MACF1: variants seen among roughly 807,000 people sequenced by gnomAD.
The protein encoded by MACF1 is microtubule-actin cross-linking factor 1.
In MACF1, 193 loss-of-function variants were observed where a neutral mutation model predicts 854.8. The ratio of observed to expected loss-of-function variants is 0.23; its 90% CI spans 0.20 to 0.25. The LOEUF (loss-of-function observed/expected upper bound fraction) is 0.25. Ranked by LOEUF, MACF1 falls within the 10% of genes least tolerant of loss-of-function variation. MACF1 has a pLI of 1.00. For synonymous variants in MACF1, 3,185 were observed against 3,226.7 expected, an observed-to-expected ratio of 0.99 and a Z score of 0.44; for missense variants, 7,722 against 8,929.1, an observed-to-expected ratio of 0.86 and a Z score of 5.45.
intron 38 of MACF1, among the ~76,000 whole-genome samples, chr1:39,338,134 A>G (rs1254924716): frequency 6.6e-6 from 1 of 152,194 alleles, no homozygotes; most frequent in Non-Finnish European, 1.5e-5. Flanking sequence ...GTGATTGGTT[A>G]GGAAACTATT....
rs761647036 is a variant in MACF1 at position 39,359,181 on chromosome 1, A to G, written c.12161A>G (p.Glu4054Gly). ...TTGGCTGAGCACCAAGTACCTGTGG[A>G]AAAACTCCAAAAAGTAGCTCGTGAC... ...EELAEHQVPV[E>G]KLQKVARDIM... The change falls in exon 47 of 101, where the codon GAA becomes GGA. Residue 4054 changes from glutamate to glycine, a missense_variant. Transcript: ENST00000564288. The G allele has an allele frequency of 3.1e-6, 5 of 1,614,130 alleles. No individual in the cohort carries two copies. Among genetic ancestry groups the G allele is most frequent in the Non-Finnish European group, 8.5e-7 (1 of 1,180,020 alleles).
chr1:39,360,062 C>A, intron 47 of MACF1, among the ~76,000 whole-genome samples: 1 of 117,016 alleles, frequency 8.5e-6, no homozygotes, highest in Non-Finnish European at 1.7e-5. Context: ...TACACACACA[C>A]ACACACACAT....
At chr1:39,484,507 C>A in intron 99 of MACF1, 94 bp from the exon 100 acceptor site, 1 of 1,090,538 alleles carries the variant, frequency 9.2e-7, no homozygotes, top group Non-Finnish European at 1.3e-6. Context: ...TTCAACTAAG[C>A]AAATATAAGG....
At chr1:39,437,024 C>T (rs1240907859) in intron 70 of MACF1, among the ~76,000 whole-genome samples, 1 of 152,092 alleles carries the variant, frequency 6.6e-6, no homozygotes, top group Non-Finnish European at 1.5e-5. Context: ...TATTAAGTTT[C>T]CCATCCATTT....
intron 53 of MACF1, among the ~76,000 whole-genome samples, 166 bp from the exon 54 acceptor site, chr1:39,379,037 G>A (rs561813960): frequency 6.6e-5 from 10 of 152,246 alleles, no homozygotes; most frequent in South Asian, 4.1e-4. Flanking sequence ...TAATGAGAAT[G>A]CTTTTGTTTT....
rs750893377 is a variant in MACF1, at chr1:39,387,438, C to G, written c.14596C>G (p.Pro4866Ala). 2 of 1,614,170 alleles carry G rather than the reference C, an allele frequency of 1.2e-6. No homozygotes were observed. The highest frequency in any genetic ancestry group is 2.2e-5 in the South Asian group (2 of 91,080). ...GGAATCTCTACTTCTTTCTGTACCT[C>G]CTGGAGAAGAGAAAAGGACTCTACA... is the stretch of plus-strand genomic sequence containing the variant. Reference protein sequence around the residue: ...EGESLLLSVPPGEEKRTLQNQ... With the variant: ...EGESLLLSVPAGEEKRTLQNQ... Residue 4866 changes from proline (P) to alanine (A), a missense_variant, in exon 58 of 101, where the codon CCT becomes GCT. Pro to Ala is a conservative substitution (Grantham distance 27, BLOSUM62 -1). Around this residue, in one of 15 missense-constraint regions of MACF1, gnomAD observed 2,807 missense variants for 3,235.8 expected, o/e 0.87. Transcript: ENST00000564288.
chr1:39,093,401 C>T (rs532569057), intron 2 of MACF1, among the ~76,000 whole-genome samples: 70 of 149,750 alleles, frequency 4.7e-4, no homozygotes, highest in African/African-American at 1.6e-3. Flanking sequence ...TTGCAACCAC[C>T]GCCTCCTGGG....
chr1:39,232,556 G>C (rs1476820568), intron 2 of MACF1, among the ~76,000 whole-genome samples: 1 of 151,774 alleles, frequency 6.6e-6, no homozygotes, highest in South Asian at 2.1e-4. Context: ...GCCATTTTTT[G>C]GTTTTGTTCT....
chr1:39,463,504 AAT>A, intron 93 of MACF1, 106 bp from the exon 94 acceptor site: 1 of 746,068 alleles, frequency 1.3e-6, no homozygotes. Flanking sequence ...AAAAAAAAAA[AAT>A]GTAAATAATG....
intron 2 of MACF1, among the ~76,000 whole-genome samples, chr1:39,191,820 C>A (rs548740265): frequency 2.0e-5 from 3 of 152,310 alleles, no homozygotes; most frequent in African/African-American, 7.2e-5. Context: ...CTCTGAGTCC[C>A]TGCAGGGAGC....
At chr1:39,263,403 T>C (rs1308365033) in intron 6 of MACF1, among the ~76,000 whole-genome samples, 1 of 152,238 alleles carries the variant, frequency 6.6e-6, no homozygotes, top group African/African-American at 2.4e-5. Context: ...GATGTTCTTT[T>C]TAATTTTAAT....
intron 33 of MACF1, among the ~76,000 whole-genome samples, 158 bp downstream of exon 33, chr1:39,323,166 C>T (rs1259214009): frequency 6.6e-6 from 1 of 152,044 alleles, no homozygotes; most frequent in Non-Finnish European, 1.5e-5. Context: ...ATAGGGAAAT[C>T]CCCTCTCTAC....
At position 39,225,217 on chromosome 1, in the gene MACF1, C is replaced by CTTTTTTTTTTTTTTTTT. The variant is rs139578945; in HGVS notation, c.110-5955_110-5954insTTTTTTTTTTTTTTTTT. 5.6e-5 allele frequency among the ~76,000 whole-genome samples: 7 copies of CTTTTTTTTTTTTTTTTT among 125,196 alleles called. 1 individual carries two copies. Among genetic ancestry groups the CTTTTTTTTTTTTTTTTT allele is most frequent in the Admixed American group, 1.7e-4 (2 of 11,430 alleles). 82.1% of individuals were successfully genotyped at this position (125,196 alleles called of 152,430 possible). A position where few individuals can be genotyped will look rare whatever the true frequency, so the allele number is the denominator to read the frequency against. ...AACAAATAGCAAATTTTTCTTTTTT[C>CTTTTTTTTTTTTTTTTT]TTTTTTTTTTGAGACGGAGTCTCGC... is the stretch of plus-strand genomic sequence containing the variant. On this transcript the variant is annotated intron_variant, in intron 1 of 100. Transcript: ENST00000564288.
rs1315968778 is a variant in MACF1 at position 39,460,899 on chromosome 1, C to T, written c.21523+105C>T. 2.3e-6 allele frequency: 3 copies of T among 1,325,398 alleles called. No individual in the cohort carries two copies. The allele number at this position is 1,325,398 out of a possible 1,614,324, so 82.1% of individuals were successfully genotyped here. A position where few individuals can be genotyped will look rare whatever the true frequency, so the allele number is the denominator to read the frequency against. ...CAGTCTTTCTGAAGCTGGCCAGGAG[C>T]TTGGCTCACACCTGTAATTCCAGCA... On this transcript the variant is annotated intron_variant, in intron 92 of 100. Transcript: ENST00000564288. This position sits in a 1 kb window ranked among gnomAD's most constrained non-coding sequence, Gnocchi z 4.1.
chr1:39,313,900 G>A (rs1646353749), intron 26 of MACF1, among the ~76,000 whole-genome samples: 1 of 152,064 alleles, frequency 6.6e-6, no homozygotes, highest in African/African-American at 2.4e-5. Flanking sequence ...ACAGGCATGG[G>A]TCATGATGCC....
At position 39,331,561 on chromosome 1, in the gene MACF1, C is replaced by G; in HGVS notation, c.4973C>G (p.Thr1658Ser). The G allele has an allele frequency of 6.2e-7, 1 of 1,614,170 alleles. No homozygotes were observed. The highest frequency in any genetic ancestry group is 8.5e-7 in the Non-Finnish European group (1 of 1,180,030). ...AAAATCTTAGAAGCTCACCTGGCAA[C>G]TGGAGGTTTCAGTCTTTCCCCTAGT... ...GLKILEAHLA[T>S]GGFSLSPSEN... is the part of the protein sequence containing the mutation. Residue 1658 changes from threonine (T) to serine (S), a missense_variant, in exon 37 of 101, where the codon ACT (threonine) becomes AGT (serine). Transcript: ENST00000564288.
In MACF1 at chr1:39,140,352, G is replaced by T. The variant is rs547263512; in HGVS notation, c.220+55914G>T. Among the ~76,000 whole-genome samples, 4 of 152,264 alleles carry T rather than the reference G, an allele frequency of 2.6e-5. No homozygotes were observed. In the South Asian group the frequency reaches 8.3e-4, roughly 32 times the overall value. On this transcript the variant is annotated intron_variant, in intron 2 of 93. Coordinates refer to the MACF1 transcript ENST00000361689. ...TTGCTACTATGGGTTAGAATTACTT[G>T]TGTAAATGTCACATCTGGCCTACTA... is the stretch of plus-strand genomic sequence containing the variant.
chr1:39,300,805 G>A lies in MACF1; in HGVS notation c.2634+443G>A, dbSNP rs150529894. ...CATGCCTGTAATCCCAGCACTTTAG[G>A]AGGCTGAGGCACATGGATCACTTGA... On this transcript the variant is annotated intron_variant, in intron 22 of 100. Transcript: ENST00000564288. Among the ~76,000 whole-genome samples the A allele has an allele frequency of 9.2e-5, 14 of 152,278 alleles. No individual in the cohort carries two copies. In the East Asian group the frequency reaches 2.7e-3, roughly 29 times the overall value.
chr1:39,183,238 A>AG, intron 2 of MACF1, among the ~76,000 whole-genome samples: 1 of 152,268 alleles, frequency 6.6e-6, no homozygotes, highest in Non-Finnish European at 1.5e-5. Flanking sequence ...GGGTTTCTTC[A>AG]GGGGGTGATG....
Sources: allele counts gnomAD v4.1 joint callset (sites outside exome capture counted in the v4.1 genomes callset), GRCh38; gene constraint gnomAD v4.1.1; regional missense constraint gnomAD v4.1.1; non-coding constraint Gnocchi (gnomAD v3.1); transcripts MANE v1.5; gene names NCBI Gene and HGNC (gene_info 2026-07-23, HGNC 2026-07-21).